OPHN1: variants seen among roughly 807,000 people sequenced by gnomAD.
OPHN1 encodes oligophrenin 1, also known as oligophrenin-1.
Under a neutral mutation model 60.7 loss-of-function variants are expected in OPHN1, and 11 were observed. The observed-to-expected ratio is 0.18, with a 90% confidence interval of 0.11 to 0.30. The LOEUF (loss-of-function observed/expected upper bound fraction) is 0.30, where lower values mean the gene tolerates loss of function less well. OPHN1 is among the 10% of genes least tolerant of loss of function. The pLI, the probability that OPHN1 is intolerant of heterozygous loss-of-function variation, is 1.00. For missense variants in OPHN1, 449 were observed against 611.0 expected (o/e 0.73, Z 2.80); for synonymous variants, 226 against 222.6 (o/e 1.02, Z -0.14).
chrX:68,059,072 G>T (rs773224219), intron 21 of OPHN1, among the ~76,000 whole-genome samples: 7 of 112,073 alleles, frequency 6.2e-5, no homozygotes, highest in African/African-American at 1.9e-4. Context: ...ACATCTGGAA[G>T]ATTCAGGAGC....
At chrX:68,370,851 G>A (rs940953252) in intron 2 of OPHN1, among the ~76,000 whole-genome samples, 1 of 110,410 alleles carries the variant, frequency 9.1e-6, no homozygotes, top group Admixed American at 9.8e-5. Flanking sequence ...AATCCCCATG[G>A]TAACCACAAA....
At chrX:68,079,742 C>G (rs1289964485) in intron 19 of OPHN1, among the ~76,000 whole-genome samples, 1 of 111,921 alleles carries the variant, frequency 8.9e-6, no homozygotes, top group African/African-American at 3.3e-5. Context: ...CCAGAGGTAT[C>G]TCAAATTCAA....
At chrX:68,311,674 G>A (rs2078174103) in intron 2 of OPHN1, among the ~76,000 whole-genome samples, 2 of 111,923 alleles carry the variant, frequency 1.8e-5, no homozygotes, top group South Asian at 3.7e-4. Flanking sequence ...CTCAAGTGAT[G>A]CGCCCACCTC....
At chrX:68,085,044 C>T (rs1373931556) in intron 19 of OPHN1, among the ~76,000 whole-genome samples, 3 of 112,434 alleles carry the variant, frequency 2.7e-5, no homozygotes, top group Non-Finnish European at 3.8e-5. Context: ...TTGGCAATTG[C>T]TGTAGTAAGA....
At chrX:68,060,380 G>T (rs986098070) in intron 21 of OPHN1, among the ~76,000 whole-genome samples, 2 of 111,207 alleles carry the variant, frequency 1.8e-5, no homozygotes, top group African/African-American at 6.6e-5. Context: ...AAGTTGTTTT[G>T]TGTCTGTGAG....
intron 15 of OPHN1, among the ~76,000 whole-genome samples, chrX:68,168,930 T>A (rs1046856981): frequency 5.4e-5 from 6 of 111,153 alleles, no homozygotes; most frequent in South Asian, 3.8e-4. Flanking sequence ...CCTCGACACA[T>A]ACACCCACCC....
chrX:68,120,769 CA>C (rs1026001577), intron 15 of OPHN1, among the ~76,000 whole-genome samples: 1 of 112,160 alleles, frequency 8.9e-6, no homozygotes, highest in African/African-American at 3.2e-5. Flanking sequence ...CACATATAAA[CA>C]GCATGGTACT....
chrX:68,333,567 G>A (rs1192912115), intron 2 of OPHN1, among the ~76,000 whole-genome samples: 3 of 110,673 alleles, frequency 2.7e-5, no homozygotes, highest in South Asian at 3.9e-4. Context: ...CCCGGGAGGC[G>A]GAGGTTGCTG....
chrX:68,359,324 T>C (rs2078458503), intron 2 of OPHN1, among the ~76,000 whole-genome samples: 1 of 111,803 alleles, frequency 8.9e-6, no homozygotes, highest in African/African-American at 3.3e-5. Flanking sequence ...AAGCATCTCA[T>C]ACTCATGGGT....
At chrX:68,313,358 A>G (rs1323913780) in intron 2 of OPHN1, among the ~76,000 whole-genome samples, 1 of 111,669 alleles carries the variant, frequency 9.0e-6, no homozygotes, top group Non-Finnish European at 1.9e-5. Context: ...TACCGAATAG[A>G]TATCTACACT....
intron 2 of OPHN1, among the ~76,000 whole-genome samples, chrX:68,429,490 G>A (rs7053023): frequency 0.04 from 4,431 of 110,766 alleles, 253 homozygotes; most frequent in African/African-American, 0.14. Context: ...TTGAGAGGCC[G>A]TGGTGGGAGG....
At chrX:68,355,709 C>T (rs1003891831) in intron 2 of OPHN1, among the ~76,000 whole-genome samples, 1 of 111,659 alleles carries the variant, frequency 9.0e-6, no homozygotes, top group Non-Finnish European at 1.9e-5. Flanking sequence ...AGACAATCCT[C>T]AATGTTAGGT....
chrX:68,136,822 C>T (rs887834619), intron 15 of OPHN1, among the ~76,000 whole-genome samples: 14 of 111,573 alleles, frequency 1.3e-4, no homozygotes, highest in African/African-American at 3.3e-4. Context: ...ACCACAGTGA[C>T]GAATTTGTTG....
intron 15 of OPHN1, among the ~76,000 whole-genome samples, chrX:68,125,513 CT>C (rs1405606977): frequency 9.0e-6 from 1 of 111,011 alleles, no homozygotes; most frequent in Non-Finnish European, 1.9e-5. Flanking sequence ...ACAACTGATA[CT>C]GCAGAAATTC....
chrX:68,178,060 C>T (rs6653250), intron 15 of OPHN1, among the ~76,000 whole-genome samples: 6,045 of 111,474 alleles, frequency 0.054, 408 homozygotes, highest in African/African-American at 0.19. Flanking sequence ...CTGATATATC[C>T]ATGTCAAAAT....
At chrX:68,063,477 C>T (rs1396807116) in intron 21 of OPHN1, among the ~76,000 whole-genome samples, 6 of 107,577 alleles carry the variant, frequency 5.6e-5, no homozygotes, top group Admixed American at 3.0e-4. Context: ...GCCGAGATCA[C>T]GTCACTGCAC....
intron 20 of OPHN1, chrX:68,070,973 C>A (rs2076931811): frequency 8.7e-7 from 1 of 1,145,075 alleles, no homozygotes; most frequent in African/African-American, 1.8e-5. Flanking sequence ...GACATTAGGT[C>A]TTTGACAATC....
intron 15 of OPHN1, among the ~76,000 whole-genome samples, chrX:68,131,425 A>G (rs954410004): frequency 4.5e-5 from 5 of 110,241 alleles, no homozygotes; most frequent in Non-Finnish European, 9.5e-5. Context: ...CATGTAGGCC[A>G]GGCTATTCTT....
intron 2 of OPHN1, among the ~76,000 whole-genome samples, chrX:68,425,639 T>A (rs768538795): frequency 1.0e-5 from 1 of 96,596 alleles, no homozygotes; most frequent in Admixed American, 1.2e-4. Flanking sequence ...AACTCTAACT[T>A]TAAAAGCAAA....
Sources: gnomAD v4.1 joint callset for allele counts (sites outside exome capture counted in the v4.1 genomes callset) on GRCh38, gnomAD v4.1.1 for gene constraint, MANE v1.5 for transcripts, NCBI Gene and HGNC (gene_info 2026-07-23, HGNC 2026-07-21) for gene names.